Variants in TMEM14A observed in about 807,000 individuals in gnomAD.
The protein encoded by TMEM14A is transmembrane protein 14A.
Under a neutral mutation model 11.6 loss-of-function variants are expected in TMEM14A, and 8 were observed. The ratio of observed to expected loss-of-function variants is 0.69; its 90% CI spans 0.40 to 1.24. The LOEUF (loss-of-function observed/expected upper bound fraction) is 1.24, where lower values mean the gene tolerates loss of function less well. TMEM14A is among the 50% of genes most tolerant of loss of function. The pLI, the probability that TMEM14A is intolerant of heterozygous loss-of-function variation, is 0.01. For synonymous variants in TMEM14A, 34 were observed against 45.5 expected (o/e 0.75, Z 1.02); for missense variants, 108 against 121.9 (o/e 0.89, Z 0.54).
intron 3 of TMEM14A, among the ~76,000 whole-genome samples, chr6:52,682,558 A>G (rs1344745764): frequency 6.6e-6 from 1 of 151,274 alleles, no homozygotes; most frequent in Non-Finnish European, 1.5e-5. Flanking sequence ...AATGAAGACA[A>G]AATTGTTCTA....
chr6:52,678,842 A>T (rs191491169), intron 2 of TMEM14A, among the ~76,000 whole-genome samples: 1 of 152,170 alleles, frequency 6.6e-6, no homozygotes, highest in Non-Finnish European at 1.5e-5. Context: ...TCTGTGAGCC[A>T]TGAGGCATAA....
chr6:52,675,350 G>A (rs899242231), intron 1 of TMEM14A, among the ~76,000 whole-genome samples: 6 of 152,158 alleles, frequency 3.9e-5, no homozygotes, highest in African/African-American at 1.4e-4. Flanking sequence ...AAATATAGAC[G>A]TGAGAAAGCT....
chr6:52,680,593 T>TATATATATATATA (rs1561874928), intron 2 of TMEM14A, among the ~76,000 whole-genome samples: 985 of 96,374 alleles, frequency 0.01, 34 homozygotes, highest in East Asian at 0.017. Context: ...ATTTATATAT[T>TATATATATATATA]TATATATATA....
rs145845259 is a variant in TMEM14A at position 52,681,270 on chromosome 6, G to A, written c.71-543G>A. On this transcript the variant is annotated intron_variant, in intron 2 of 4. Transcript: ENST00000211314. ...GCTGGGGTCAGTATTCTGATTCTTCGTCTTTCTTGGTAGGGCCTCTATTAG... is the reference window on the plus strand; with the variant it reads ...GCTGGGGTCAGTATTCTGATTCTTCATCTTTCTTGGTAGGGCCTCTATTAG... 2.6e-4 allele frequency among the ~76,000 whole-genome samples: 39 copies of A among 152,102 alleles called. No individual in the cohort carries two copies. In the East Asian group the frequency reaches 6.4e-3, roughly 25 times the overall value.
chr6:52,671,541 T>C (rs1316306631), intron 1 of TMEM14A, among the ~76,000 whole-genome samples: 1 of 152,148 alleles, frequency 6.6e-6, no homozygotes, highest in East Asian at 1.9e-4. Flanking sequence ...CATTGCAAAA[T>C]GCTTGGCAGG....
chr6:52,673,074 A>G (rs1769191322), intron 1 of TMEM14A, among the ~76,000 whole-genome samples: 1 of 152,146 alleles, frequency 6.6e-6, no homozygotes, highest in Non-Finnish European at 1.5e-5. Flanking sequence ...AGGGCCTTGC[A>G]CATGCGCTCC....
chr6:52,680,585 T>TATAGATA (rs1561874901), intron 2 of TMEM14A, among the ~76,000 whole-genome samples: 1 of 33,264 alleles, frequency 3.0e-5, no homozygotes, highest in Non-Finnish European at 8.1e-5. Context: ...CACTATATAT[T>TATAGATA]TATATATTTA....
At chr6:52,675,708 AGAGC>A (rs1418047353) in intron 1 of TMEM14A, among the ~76,000 whole-genome samples, 3 of 152,256 alleles carry the variant, frequency 2.0e-5, no homozygotes, top group African/African-American at 7.2e-5. Context: ...CTACCACAGA[AGAGC>A]TATCTTGCAA....
In TMEM14A at chr6:52,680,593, T is replaced by TATACA. The variant is rs1561874928; in HGVS notation, c.71-1220_71-1219insATACA. 4.1e-5 allele frequency among the ~76,000 whole-genome samples: 4 copies of TATACA among 96,524 alleles called. No individual in the cohort carries two copies. The South Asian group carries it at 1.0e-3, about 25-fold the overall frequency. The allele number at this position is 96,524 out of a possible 152,430, so 63.3% of individuals were successfully genotyped here. Reference sequence around the variant, plus strand: ...TCTAAGCCACTATATATTTATATATTTATATATATATATATATATGTATAT... The same window carrying TATACA: ...TCTAAGCCACTATATATTTATATATTATACATATATATATATATATATATGTATAT... On this transcript the variant is annotated intron_variant, in intron 2 of 4. Coordinates refer to ENST00000211314, the MANE Select transcript of TMEM14A (RefSeq NM_014051.4).
chr6:52,685,964 A>T (rs757393632), intron 4 of TMEM14A, 46 bp from the exon 5 acceptor site: 2 of 1,598,462 alleles, frequency 1.3e-6, no homozygotes, highest in Non-Finnish European at 1.7e-6. Context: ...GTCTTATGCC[A>T]GATAAAAGTG....
chr6:52,676,187 C>T (rs376655581), intron 1 of TMEM14A, among the ~76,000 whole-genome samples: 1 of 152,236 alleles, frequency 6.6e-6, no homozygotes, highest in East Asian at 1.9e-4. Flanking sequence ...TTGAGGTACC[C>T]CCCAGAGTGT....
chr6:52,673,090 G>C (rs957444102), intron 1 of TMEM14A, among the ~76,000 whole-genome samples: 1 of 152,154 alleles, frequency 6.6e-6, no homozygotes, highest in African/African-American at 2.4e-5. Flanking sequence ...GCTCCCTTCT[G>C]CCAGGAACAC....
intron 4 of TMEM14A, among the ~76,000 whole-genome samples, chr6:52,684,886 G>C (rs529990259): frequency 6.6e-6 from 1 of 152,254 alleles, no homozygotes; most frequent in African/African-American, 2.4e-5. Flanking sequence ...GAAAAATTAG[G>C]AACAACCTAA....
At chr6:52,675,036 C>T (rs1472172254) in intron 1 of TMEM14A, among the ~76,000 whole-genome samples, 2 of 152,012 alleles carry the variant, frequency 1.3e-5, no homozygotes, top group East Asian at 3.9e-4. Flanking sequence ...ACCACCATGC[C>T]ACGTCCGGGT....
intron 3 of TMEM14A, among the ~76,000 whole-genome samples, chr6:52,683,483 C>CAAAAAAAAAAAAA (rs71799754): frequency 7.6e-6 from 1 of 130,874 alleles, no homozygotes; most frequent in African/African-American, 2.9e-5. Context: ...ACAACAACAA[C>CAAAAAAAAAAAAA]AAAAAAAAAA....
chr6:52,685,756 A>G (rs921369943), intron 4 of TMEM14A, among the ~76,000 whole-genome samples: 14 of 152,278 alleles, frequency 9.2e-5, no homozygotes, highest in African/African-American at 3.4e-4. Flanking sequence ...TTTCTTCCCA[A>G]ACCTTTCTCT....
intron 1 of TMEM14A, among the ~76,000 whole-genome samples, chr6:52,672,219 G>A (rs1410301127): frequency 1.7e-4 from 26 of 152,116 alleles, no homozygotes. Flanking sequence ...GTGCTGTGAG[G>A]AGGACAAAGA....
intron 1 of TMEM14A, among the ~76,000 whole-genome samples, chr6:52,675,519 G>A (rs1769240372): frequency 6.6e-6 from 1 of 152,222 alleles, no homozygotes; most frequent in Non-Finnish European, 1.5e-5. Flanking sequence ...TGGCTGGCAC[G>A]CTATCTACTG....
At chr6:52,673,836 G>A (rs1462619464) in intron 1 of TMEM14A, among the ~76,000 whole-genome samples, 2 of 152,166 alleles carry the variant, frequency 1.3e-5, no homozygotes, top group African/African-American at 2.4e-5. Flanking sequence ...TAATACTATG[G>A]TATGATTCAT....
Sources: gnomAD v4.1 joint callset for allele counts (sites outside exome capture counted in the v4.1 genomes callset) on GRCh38, gnomAD v4.1.1 for gene constraint, MANE v1.5 for transcripts, NCBI Gene and HGNC (gene_info 2026-07-23, HGNC 2026-07-21) for gene names.